Variants in CDK8 observed in about 807,000 individuals in gnomAD.
The protein encoded by CDK8 is cyclin-dependent kinase 8.
Under a neutral mutation model 71.5 loss-of-function variants are expected in CDK8, and 29 were observed. The observed-to-expected ratio is 0.41, with a 90% CI of 0.30 to 0.55. The LOEUF is 0.55. CDK8 is among the 20% of genes least tolerant of loss of function. The pLI, the probability that CDK8 is intolerant of heterozygous loss-of-function variation, is 0.37. For synonymous variants in CDK8, 161 were observed against 192.1 expected (o/e 0.84, Z 1.34); for missense variants, 288 against 572.6 (o/e 0.50, Z 5.07).
intron 1 of CDK8, among the ~76,000 whole-genome samples, chr13:26,322,936 A>G (rs896146647): frequency 1.3e-5 from 2 of 152,114 alleles, no homozygotes; most frequent in South Asian, 2.1e-4. Context: ...TTTTTTTTCT[A>G]CAGAATTTTG....
intron 1 of CDK8, among the ~76,000 whole-genome samples, chr13:26,294,628 T>C (rs527321393): frequency 1.3e-5 from 2 of 152,362 alleles, no homozygotes; most frequent in Non-Finnish European, 2.9e-5. Flanking sequence ...TATTTCATTG[T>C]GGCATTAATT....
At chr13:26,269,015 G>T (rs1338758507) in intron 1 of CDK8, among the ~76,000 whole-genome samples, 4 of 152,060 alleles carry the variant, frequency 2.6e-5, no homozygotes, top group Non-Finnish European at 5.9e-5. Context: ...CTTTGACATT[G>T]TTTATTGTTG....
At chr13:26,360,418 C>T (rs1464549651) in intron 4 of CDK8, among the ~76,000 whole-genome samples, 2 of 152,188 alleles carry the variant, frequency 1.3e-5, no homozygotes, top group East Asian at 3.8e-4. Flanking sequence ...ATTTTCCAGC[C>T]AACTCAGAGG....
chr13:26,339,026 G>C (rs990734767), intron 2 of CDK8, among the ~76,000 whole-genome samples: 6 of 151,926 alleles, frequency 3.9e-5, no homozygotes, highest in Non-Finnish European at 8.8e-5. Flanking sequence ...TGCATATATC[G>C]TGATAACTAT....
chr13:26,311,703 C>T (rs993731005), intron 1 of CDK8, among the ~76,000 whole-genome samples: 1 of 152,042 alleles, frequency 6.6e-6, no homozygotes, highest in Admixed American at 6.6e-5. Flanking sequence ...CTCTCTTCCT[C>T]ACCCTCCTGC....
intron 4 of CDK8, among the ~76,000 whole-genome samples, chr13:26,368,162 G>A (rs891844770): frequency 6.6e-6 from 1 of 152,144 alleles, no homozygotes; most frequent in Non-Finnish European, 1.5e-5. Flanking sequence ...ATTTTACACA[G>A]TCGAATTTTT....
At chr13:26,337,448 T>C in intron 1 of CDK8, 119 bp from the exon 2 acceptor site, 3 of 365,970 alleles carry the variant, frequency 8.2e-6, no homozygotes, top group Non-Finnish European at 1.4e-5. Flanking sequence ...CATTGTATGA[T>C]TATATTGAAT....
At chr13:26,350,106 T>C (rs1390455358) in intron 3 of CDK8, among the ~76,000 whole-genome samples, 17 of 152,232 alleles carry the variant, frequency 1.1e-4, no homozygotes. Context: ...TCTAGGTTTG[T>C]GTAAGTACAG....
intron 4 of CDK8, among the ~76,000 whole-genome samples, chr13:26,363,875 C>T (rs1265181181): frequency 6.6e-6 from 1 of 152,060 alleles, no homozygotes; most frequent in African/African-American, 2.4e-5. Context: ...TTTATCAAGG[C>T]ATCTTATTGT....
intron 1 of CDK8, among the ~76,000 whole-genome samples, chr13:26,334,575 A>G (rs1872897532): frequency 6.6e-6 from 1 of 152,124 alleles, no homozygotes; most frequent in Non-Finnish European, 1.5e-5. Flanking sequence ...TGTAAAACTG[A>G]TTGTTACAAA....
chr13:26,374,778 C>T (rs1260466966), intron 4 of CDK8, among the ~76,000 whole-genome samples: 1 of 152,072 alleles, frequency 6.6e-6, no homozygotes, highest in Non-Finnish European at 1.5e-5. Flanking sequence ...ATGAGATATA[C>T]ATTGCTTTTG....
chr13:26,324,333 G>T (rs1282507887), intron 1 of CDK8, among the ~76,000 whole-genome samples: 1 of 152,044 alleles, frequency 6.6e-6, no homozygotes, highest in Non-Finnish European at 1.5e-5. Context: ...AGTTAGTATT[G>T]TTGACGGGGT....
Position 26,280,488 on chromosome 13 carries a change from T to A in CDK8, c.128+25719T>A, listed in dbSNP as rs1005615891. Among the ~76,000 whole-genome samples, 3 of 152,206 alleles carry A rather than the reference T, an allele frequency of 2.0e-5. No homozygotes were observed. The East Asian group carries it at 5.8e-4, about 29-fold the overall frequency. On this transcript the variant is annotated intron_variant, in intron 1 of 12. Transcript: ENST00000381527. Reference sequence around the variant, plus strand: ...CTCAACATTGGAACTTGGTATAACTTGTCTATGATTAAAGCCATTCCAGTG... The same window carrying A: ...CTCAACATTGGAACTTGGTATAACTAGTCTATGATTAAAGCCATTCCAGTG...
At chr13:26,279,322 A>G (rs1424669150) in intron 1 of CDK8, among the ~76,000 whole-genome samples, 1 of 152,236 alleles carries the variant, frequency 6.6e-6, no homozygotes, top group East Asian at 1.9e-4. Context: ...ATCACCTCAC[A>G]AATTATTTAC....
intron 1 of CDK8, among the ~76,000 whole-genome samples, chr13:26,300,000 A>T (rs779108280): frequency 4.6e-5 from 7 of 152,168 alleles, no homozygotes; most frequent in Non-Finnish European, 1.0e-4. Flanking sequence ...AACTTGGTTA[A>T]ATTCTTTAAT....
chr13:26,389,765 A>C, intron 6 of CDK8, among the ~76,000 whole-genome samples: 1 of 152,076 alleles, frequency 6.6e-6, no homozygotes, highest in East Asian at 1.9e-4. Flanking sequence ...TGGGAGGCCA[A>C]GGTGGGCAGA....
chr13:26,327,578 C>G (rs1053854416), intron 1 of CDK8, among the ~76,000 whole-genome samples: 1 of 152,094 alleles, frequency 6.6e-6, no homozygotes, highest in Non-Finnish European at 1.5e-5. Context: ...CCTGTAATCC[C>G]GGAACTTTGG....
intron 7 of CDK8, among the ~76,000 whole-genome samples, chr13:26,395,958 TAGAA>T (rs1042092818): frequency 5.0e-4 from 76 of 152,302 alleles, no homozygotes; most frequent in African/African-American, 1.4e-3. Flanking sequence ...GTTTTACTAA[TAGAA>T]AGAGGACATT....
chr13:26,361,353 T>A (rs1180945957), intron 4 of CDK8, among the ~76,000 whole-genome samples: 1 of 152,198 alleles, frequency 6.6e-6, no homozygotes, highest in African/African-American at 2.4e-5. Context: ...CTCCTTGACT[T>A]ACAGTGGGGT....
Sources: allele counts gnomAD v4.1 joint callset (sites outside exome capture counted in the v4.1 genomes callset), GRCh38; gene constraint gnomAD v4.1.1; transcripts MANE v1.5; gene names NCBI Gene and HGNC (gene_info 2026-07-23, HGNC 2026-07-21).